The following DPP10 variants were observed in gnomAD, a reference collection of about 807,000 sequenced individuals.
DPP10 encodes dipeptidyl peptidase like 10.
Under a neutral mutation model 120.9 loss-of-function variants are expected in DPP10, and 33 were observed. That is an observed-to-expected ratio of 0.27 (90% CI 0.21 to 0.37). DPP10 has a LOEUF of 0.37. Ranked by LOEUF, DPP10 falls within the 10% of genes least tolerant of loss-of-function variation. DPP10 has a pLI of 1.00. For synonymous variants in DPP10, 337 were observed against 326.1 expected, an observed-to-expected ratio of 1.03 and a Z score of -0.36; for missense variants, 816 against 942.8, an observed-to-expected ratio of 0.87 and a Z score of 1.76.
chr2:115,029,645 G>A (rs10195892), intron 1 of DPP10, among the ~76,000 whole-genome samples: 3,437 of 151,804 alleles, frequency 0.023, 128 homozygotes, highest in African/African-American at 0.08. Context: ...TATAGGATAT[G>A]TTTGCTTAGA....
At chr2:115,373,456 G>A (rs1194778733) in intron 3 of DPP10, among the ~76,000 whole-genome samples, 2 of 151,966 alleles carry the variant, frequency 1.3e-5, no homozygotes, top group Non-Finnish European at 2.9e-5. Flanking sequence ...TTGAAGCTTT[G>A]GAAATGAATG....
intron 1 of DPP10, among the ~76,000 whole-genome samples, chr2:115,265,035 A>G (rs2059403375): frequency 1.3e-5 from 2 of 152,122 alleles, no homozygotes; most frequent in African/African-American, 4.8e-5. Context: ...CTGTTATTAT[A>G]AACTTCTGTA....
chr2:114,714,645 A>G (rs373294771), intron 1 of DPP10, among the ~76,000 whole-genome samples: 3 of 152,150 alleles, frequency 2.0e-5, no homozygotes, highest in Admixed American at 6.5e-5. Flanking sequence ...AGCTCATGGC[A>G]TATTTAGGGT....
intron 21 of DPP10, among the ~76,000 whole-genome samples, chr2:115,832,524 G>T (rs112679492): frequency 2.0e-5 from 3 of 152,096 alleles, no homozygotes; most frequent in Non-Finnish European, 4.4e-5. Context: ...TGCCAGTGTC[G>T]ATTTTTGTTT....
At chr2:114,714,906 AGAAT>A (rs1396484959) in intron 1 of DPP10, among the ~76,000 whole-genome samples, 2 of 152,214 alleles carry the variant, frequency 1.3e-5, no homozygotes. Flanking sequence ...ACAGCCACTG[AGAAT>A]GAAAAAGAGA....
intron 21 of DPP10, among the ~76,000 whole-genome samples, chr2:115,831,007 C>CCTGCCTCCTTGAGGCAGGATTAAGATT: frequency 6.6e-6 from 1 of 152,102 alleles, no homozygotes; most frequent in Middle Eastern, 3.4e-3. Context: ...GAATTAAGAT[C>CCTGCCTCCTTGAGGCAGGATTAAGATT]CTGCCTCCTT....
At chr2:115,335,817 T>C (rs890674978) in intron 2 of DPP10, among the ~76,000 whole-genome samples, 1 of 151,942 alleles carries the variant, frequency 6.6e-6, no homozygotes, top group Non-Finnish European at 1.5e-5. Context: ...AAATGAAGAA[T>C]ACGATTAAGA....
intron 8 of DPP10, among the ~76,000 whole-genome samples, chr2:115,728,775 T>C (rs2149644064): frequency 6.6e-6 from 1 of 152,304 alleles, no homozygotes; most frequent in South Asian, 2.1e-4. Context: ...ATTCATTCAC[T>C]CTTTCACTCA....
intron 1 of DPP10, among the ~76,000 whole-genome samples, chr2:114,482,296 G>A (rs1395679543): frequency 6.6e-6 from 1 of 152,240 alleles, no homozygotes; most frequent in Middle Eastern, 3.4e-3. Flanking sequence ...TGAATGTGGT[G>A]ATAGAAGCCT....
chr2:115,421,057 C>A (rs951548640), intron 3 of DPP10, among the ~76,000 whole-genome samples: 1 of 151,916 alleles, frequency 6.6e-6, no homozygotes, highest in African/African-American at 2.4e-5. Context: ...CAGAAGGCAA[C>A]CTTTCTACCC....
At chr2:115,549,109 A>G (rs925203800) in intron 5 of DPP10, among the ~76,000 whole-genome samples, 4 of 152,120 alleles carry the variant, frequency 2.6e-5, no homozygotes, top group Admixed American at 2.0e-4. Flanking sequence ...CCATGTCTCT[A>G]TTACTGCCAG....
In DPP10 at chr2:115,531,791, A is replaced by G. The variant is rs1055973175; in HGVS notation, c.441+5819A>G. 2.0e-5 allele frequency among the ~76,000 whole-genome samples: 3 copies of G among 152,114 alleles called. No homozygotes were observed. In the East Asian group the frequency reaches 5.8e-4, roughly 29 times the overall value. ...AAGCAGCAAAACATTGCTGTTCTCC[A>G]TTCTGTTACTACGAGCCACAAGGGA... On this transcript the variant is annotated intron_variant, in intron 5 of 25. Coordinates refer to ENST00000410059, the MANE Select transcript of DPP10 (RefSeq NM_020868.6).
At chr2:115,798,746 T>G (rs1575808914) in intron 19 of DPP10, among the ~76,000 whole-genome samples, 1 of 152,158 alleles carries the variant, frequency 6.6e-6, no homozygotes, top group African/African-American at 2.4e-5. Flanking sequence ...ACAATTGTTA[T>G]TAATATAGTA....
At chr2:114,623,446 T>C (rs1694252146) in intron 1 of DPP10, among the ~76,000 whole-genome samples, 1 of 152,164 alleles carries the variant, frequency 6.6e-6, no homozygotes, top group Non-Finnish European at 1.5e-5. Flanking sequence ...ACATTATTTG[T>C]TCAAATAGTA....
chr2:115,371,468 A>T (rs2065407332), intron 3 of DPP10, among the ~76,000 whole-genome samples: 1 of 152,168 alleles, frequency 6.6e-6, no homozygotes, highest in Non-Finnish European at 1.5e-5. Context: ...ATTGACTTTG[A>T]AACAAACTAA....
chr2:115,214,863 G>A (rs1201083486), intron 1 of DPP10, among the ~76,000 whole-genome samples: 1 of 152,034 alleles, frequency 6.6e-6, no homozygotes, highest in Non-Finnish European at 1.5e-5. Flanking sequence ...TGACCCCCAG[G>A]TTTCCCAATC....
chr2:115,805,338 C>T (rs1575832844), intron 19 of DPP10, among the ~76,000 whole-genome samples: 1 of 152,112 alleles, frequency 6.6e-6, no homozygotes, highest in East Asian at 1.9e-4. Context: ...TCACCCCTTT[C>T]TTTGACTAGG....
intron 1 of DPP10, among the ~76,000 whole-genome samples, chr2:115,003,757 T>C (rs1204696667): frequency 6.6e-6 from 1 of 152,126 alleles, no homozygotes; most frequent in Non-Finnish European, 1.5e-5. Context: ...AAAATTTTTA[T>C]AGAAAGAGAT....
intron 1 of DPP10, among the ~76,000 whole-genome samples, chr2:114,509,005 C>T (rs1024603968): frequency 6.7e-5 from 10 of 149,484 alleles, no homozygotes; most frequent in Non-Finnish European, 4.5e-5. Flanking sequence ...AAAGAGACAG[C>T]GAGAGTGAGA....
Sources: gnomAD v4.1 joint callset for allele counts (sites outside exome capture counted in the v4.1 genomes callset) on GRCh38, gnomAD v4.1.1 for gene constraint, MANE v1.5 for transcripts, NCBI Gene and HGNC (gene_info 2026-07-23, HGNC 2026-07-21) for gene names.